The following BTAF1 variants were observed in gnomAD, a reference collection of about 807,000 sequenced individuals.
BTAF1 encodes TATA-binding protein-associated factor 172.
BTAF1 carries 38 observed loss-of-function variants against 227.1 expected under a neutral mutation model. That is an observed-to-expected ratio of 0.17 (90% CI 0.13 to 0.22). BTAF1 has a LOEUF of 0.22. Ranked by LOEUF, BTAF1 falls within the 10% of genes least tolerant of loss-of-function variation. BTAF1 has a pLI of 1.00. For synonymous variants in BTAF1, 742 were observed against 751.9 expected (o/e 0.99, Z 0.21); for missense variants, 1,598 against 2,204.0 (o/e 0.73, Z 5.51).
At chr10:91,926,774 G>A (rs1368306357) in intron 1 of BTAF1, among the ~76,000 whole-genome samples, 1 of 152,182 alleles carries the variant, frequency 6.6e-6, no homozygotes, top group Non-Finnish European at 1.5e-5. Flanking sequence ...TCCTTTTCCT[G>A]CCTTCCATGG....
At chr10:91,989,724 C>G in intron 20 of BTAF1, 144 bp downstream of exon 20, 3 of 828,396 alleles carry the variant, frequency 3.6e-6, no homozygotes, top group Non-Finnish European at 5.5e-6. Flanking sequence ...TATAACAAAA[C>G]TCTTTGTTAC....
At chr10:91,929,802 G>A (rs1405491512) in intron 1 of BTAF1, among the ~76,000 whole-genome samples, 2 of 145,316 alleles carry the variant, frequency 1.4e-5, no homozygotes, top group Admixed American at 6.9e-5. Context: ...CATTCCTCCC[G>A]CATTGGCCTC....
At chr10:91,970,199 T>C (rs1196485004) in intron 14 of BTAF1, among the ~76,000 whole-genome samples, 1 of 152,074 alleles carries the variant, frequency 6.6e-6, no homozygotes, top group Non-Finnish European at 1.5e-5. Context: ...TATACCAGAA[T>C]GCCATTGTCT....
rs758208828 is a variant in BTAF1 at position 91,982,242 on chromosome 10, T to C, written c.2048+17T>C. On this transcript the variant is annotated intron_variant, in intron 17 of 37. Transcript: ENST00000265990. ...GGCAGCCAAGTGAGTGTACATTAAG[T>C]GTCAGGTAGTCATACATTTACAAGT... The C allele has an allele frequency of 3.7e-6, 6 of 1,613,624 alleles. No homozygotes were observed. The highest frequency in any genetic ancestry group is 5.1e-6 in the Non-Finnish European group (6 of 1,179,778).
Position 92,011,432 on chromosome 10 carries a change from ATTT to A in BTAF1, c.4311+23_4311+25del, listed in dbSNP as rs745675864. ...CCAATCCAGGTAATTATTTATTATT[ATTT>A]TTTTTAATTATTTTTATTTTTATTT... On this transcript the variant is annotated intron_variant, in intron 30 of 37. Transcript: ENST00000265990. 12 of 1,136,138 alleles carry A rather than the reference ATTT, an allele frequency of 1.1e-5. No individual in the cohort carries two copies. The East Asian group carries it at 3.3e-4, about 31-fold the overall frequency. The allele number at this position is 1,136,138 out of a possible 1,614,324, so 70.4% of individuals were successfully genotyped here.
At chr10:91,942,309 T>C in intron 3 of BTAF1, 113 bp from the exon 4 acceptor site, 1 of 559,308 alleles carries the variant, frequency 1.8e-6, no homozygotes, top group East Asian at 2.9e-5. Flanking sequence ...TGTGTGTGTG[T>C]GTGTGTGTGT....
chr10:92,004,828 C>T (rs749581417), intron 25 of BTAF1, among the ~76,000 whole-genome samples: 1 of 152,096 alleles, frequency 6.6e-6, no homozygotes, highest in Non-Finnish European at 1.5e-5. Context: ...TTTGTCCAGA[C>T]CAGTGTCAAA....
At chr10:91,991,797 GTATATATATATA>G (rs1166615338) in intron 20 of BTAF1, among the ~76,000 whole-genome samples, 4 of 10,002 alleles carry the variant, frequency 4.0e-4, no homozygotes, top group African/African-American at 3.7e-4. Flanking sequence ...GTGTGTGTGT[GTATATATATATA>G]TATATATATA....
At chr10:91,966,831 T>A in intron 14 of BTAF1, 74 bp downstream of exon 14, 2 of 1,413,666 alleles carry the variant, frequency 1.4e-6, no homozygotes. Flanking sequence ...GTCTTTAGCT[T>A]ACCCTTGCTG....
intron 32 of BTAF1, among the ~76,000 whole-genome samples, chr10:92,014,930 G>A (rs1193611778): frequency 1.3e-5 from 2 of 152,140 alleles, no homozygotes; most frequent in Non-Finnish European, 2.9e-5. Flanking sequence ...AATTATATTT[G>A]TATATCTAAG....
intron 6 of BTAF1, among the ~76,000 whole-genome samples, chr10:91,954,915 C>G (rs1325505048): frequency 6.6e-6 from 1 of 152,104 alleles, no homozygotes. Flanking sequence ...TTTAGTGGTG[C>G]TCAGGAAATG....
intron 30 of BTAF1, among the ~76,000 whole-genome samples, chr10:92,011,627 T>C (rs1450929253): frequency 6.6e-6 from 1 of 152,170 alleles, no homozygotes; most frequent in Non-Finnish European, 1.5e-5. Flanking sequence ...AATGTAATTT[T>C]AGACTATATA....
chr10:91,934,120 G>A (rs1193855308), intron 1 of BTAF1, among the ~76,000 whole-genome samples: 1 of 152,170 alleles, frequency 6.6e-6, no homozygotes, highest in East Asian at 1.9e-4. Context: ...TATAGTGTAT[G>A]TGTAAAGTAA....
At chr10:92,004,010 A>G (rs1212519075) in intron 25 of BTAF1, among the ~76,000 whole-genome samples, 2 of 151,412 alleles carry the variant, frequency 1.3e-5, no homozygotes, top group African/African-American at 4.9e-5. Flanking sequence ...GCATTTTTTC[A>G]TTTATCTGCT....
intron 14 of BTAF1, 103 bp downstream of exon 14, chr10:91,966,860 C>A: frequency 3.7e-6 from 4 of 1,074,632 alleles, no homozygotes; most frequent in South Asian, 1.9e-5. Context: ...AAGATCAGGA[C>A]AATGTTGGGC....
At position 91,984,303 on chromosome 10, in the gene BTAF1, A is replaced by G; in HGVS notation, c.2326A>G (p.Asn776Asp). ...TGCCGTTCCATTCACACGAATGCAG[A>G]ATGAATGTAAACAACTTATATCATC... ...EIAVPFTRMQ[N>D]ECKQLISSLA... The change falls in exon 19 of 38, where the codon AAT becomes GAT. Residue 776 changes from asparagine to aspartate, a missense_variant. This residue lies in a region of BTAF1 where 318 missense variants were observed against 435.0 expected (regional missense o/e 0.73). Coordinates refer to ENST00000265990, the MANE Select transcript of BTAF1 (RefSeq NM_003972.3). 6.2e-7 allele frequency: 1 copy of G among 1,613,756 alleles called. No homozygotes were observed. Among genetic ancestry groups the G allele is most frequent in the Non-Finnish European group, 8.5e-7 (1 of 1,179,756 alleles).
chr10:91,924,106 G>A lies in BTAF1; in HGVS notation c.14+16G>A. 6.2e-7 allele frequency: 1 copy of A among 1,606,662 alleles called. No individual in the cohort carries two copies. Among genetic ancestry groups the A allele is most frequent in the Non-Finnish European group, 8.5e-7 (1 of 1,177,436 alleles). On this transcript the variant is annotated intron_variant, in intron 1 of 37. Coordinates refer to ENST00000265990, the MANE Select transcript of BTAF1 (RefSeq NM_003972.3). The stretch of plus-strand genomic sequence containing the variant: ...CGGTCTCCAGGTGGGTCTTGCTCCT[G>A]ACGAGCAAACTGGAAGGCGATTCAG...
intron 4 of BTAF1, among the ~76,000 whole-genome samples, chr10:91,949,328 A>G (rs1016068883): frequency 2.0e-5 from 3 of 151,992 alleles, no homozygotes; most frequent in Non-Finnish European, 2.9e-5. Flanking sequence ...ACAAACAGAA[A>G]CCCTAAATAA....
At chr10:91,985,185 GA>G (rs1462524826) in intron 19 of BTAF1, among the ~76,000 whole-genome samples, 1 of 151,676 alleles carries the variant, frequency 6.6e-6, no homozygotes, top group African/African-American at 2.4e-5. Flanking sequence ...ATTCCCCCCC[GA>G]AGATACATTA....
Sources: allele counts gnomAD v4.1 joint callset (sites outside exome capture counted in the v4.1 genomes callset), GRCh38; gene constraint gnomAD v4.1.1; regional missense constraint gnomAD v4.1.1; transcripts MANE v1.5; gene names NCBI Gene and HGNC (gene_info 2026-07-23, HGNC 2026-07-21).